The following SMCO4 variants were observed in gnomAD, a reference collection of about 807,000 sequenced individuals.
The protein encoded by SMCO4 is single-pass membrane protein with coiled-coil domains 4.
SMCO4 carries 4 observed loss-of-function variants against 3.6 expected under a neutral mutation model. The ratio of observed to expected loss-of-function variants is 1.11; its 90% CI spans 0.54 to 2.53. SMCO4 has a LOEUF of 2.53. Ranked by LOEUF, SMCO4 falls within the 30% of genes most tolerant of loss-of-function variation. The pLI is 0.02. For missense variants in SMCO4, 70 were observed against 80.8 expected, an observed-to-expected ratio of 0.87 and a Z score of 0.51; for synonymous variants, 36 against 35.3, an observed-to-expected ratio of 1.02 and a Z score of -0.07.
At chr11:93,553,922 T>G in the SMCO4 span, among the ~76,000 whole-genome samples, 2 of 152,198 alleles carry the variant, frequency 1.3e-5, no homozygotes, top group Non-Finnish European at 2.9e-5. Flanking sequence ...TTCAATAACC[T>G]GACATCTTGG....
chr11:93,479,723 A>C (rs1361529119), intron 2 of SMCO4, among the ~76,000 whole-genome samples: 2 of 152,164 alleles, frequency 1.3e-5, no homozygotes, highest in African/African-American at 4.8e-5. Context: ...TTCCTGCCCA[A>C]GCCAGGCCAG....
chr11:93,538,511 C>T (rs544517850), intron 1 of SMCO4, among the ~76,000 whole-genome samples: 10 of 152,164 alleles, frequency 6.6e-5, no homozygotes, highest in Non-Finnish European at 1.2e-4. Flanking sequence ...TCATTCTCTG[C>T]GATGCTCCTG....
intron 1 of SMCO4, among the ~76,000 whole-genome samples, chr11:93,515,726 T>C (rs1450626076): frequency 6.6e-6 from 1 of 152,190 alleles, no homozygotes; most frequent in Non-Finnish European, 1.5e-5. Context: ...CCCATTTCTC[T>C]GGCTCCACCA....
chr11:93,496,929 A>T (rs1260187062), intron 2 of SMCO4, among the ~76,000 whole-genome samples: 1 of 152,180 alleles, frequency 6.6e-6, no homozygotes, highest in Non-Finnish European at 1.5e-5. Flanking sequence ...TATGGGGAGT[A>T]ACCTGTTTGG....
At chr11:93,516,720 G>A (rs572905231) in intron 1 of SMCO4, among the ~76,000 whole-genome samples, 5 of 152,034 alleles carry the variant, frequency 3.3e-5, no homozygotes, top group Non-Finnish European at 7.4e-5. Context: ...AACCCAGGAG[G>A]TGAAGGTTGC....
chr11:93,526,942 T>G (rs75052428), intron 1 of SMCO4, among the ~76,000 whole-genome samples: 1 of 152,178 alleles, frequency 6.6e-6, no homozygotes, highest in Non-Finnish European at 1.5e-5. Flanking sequence ...CTCTAGGCCA[T>G]TGCCCTTTCC....
At chr11:93,487,027 T>C (rs561105153) in intron 2 of SMCO4, among the ~76,000 whole-genome samples, 9 of 152,318 alleles carry the variant, frequency 5.9e-5, no homozygotes, top group African/African-American at 1.9e-4. Flanking sequence ...TGTGTCATTA[T>C]TACAATATGA....
intron 1 of SMCO4, among the ~76,000 whole-genome samples, chr11:93,526,086 T>C (rs979590995): frequency 1.3e-5 from 2 of 152,172 alleles, no homozygotes; most frequent in African/African-American, 4.8e-5. Flanking sequence ...AACACTCATA[T>C]TGGTTTGAGT....
intron 2 of SMCO4, among the ~76,000 whole-genome samples, chr11:93,492,206 G>T (rs1948725386): frequency 6.6e-6 from 1 of 152,182 alleles, no homozygotes; most frequent in African/African-American, 2.4e-5. Context: ...CTGAGCACCA[G>T]TGTTGGCAAC....
At chr11:93,534,965 G>A (rs779080758) in intron 1 of SMCO4, among the ~76,000 whole-genome samples, 3 of 152,172 alleles carry the variant, frequency 2.0e-5, no homozygotes, top group Non-Finnish European at 2.9e-5. Context: ...ATAATCACAT[G>A]CAACTAGAAG....
chr11:93,534,375 T>TATATATATATAGAGAG (rs369643237), intron 1 of SMCO4, among the ~76,000 whole-genome samples: 1 of 142,130 alleles, frequency 7.0e-6, no homozygotes, highest in African/African-American at 2.6e-5. Flanking sequence ...TATATATATA[T>TATATATATATAGAGAG]AGAGAGAGAG....
chr11:93,510,603 CCA>C (rs1202379074), intron 1 of SMCO4, among the ~76,000 whole-genome samples: 1 of 152,116 alleles, frequency 6.6e-6, no homozygotes, highest in Non-Finnish European at 1.5e-5. Context: ...CTGCACCCCA[CCA>C]CAGTTTTATG....
chr11:93,543,654 C>T (rs1949292843), upstream of SMCO4: 1 of 152,338 alleles, frequency 6.6e-6, no homozygotes, highest in Non-Finnish European at 1.5e-5. Context: ...TTAAGTCACC[C>T]CCTTGTTGAT....
intron 1 of SMCO4, among the ~76,000 whole-genome samples, chr11:93,524,997 T>C (rs1052746077): frequency 6.6e-6 from 1 of 152,046 alleles, no homozygotes; most frequent in Non-Finnish European, 1.5e-5. Context: ...GCGGCCCACA[T>C]CCCCAACACC....
intron 2 of SMCO4, among the ~76,000 whole-genome samples, chr11:93,480,029 G>A (rs938314737): frequency 2.6e-5 from 4 of 152,184 alleles, no homozygotes; most frequent in African/African-American, 9.7e-5. Context: ...TGCCTAACAG[G>A]TGAAGTAGAA....
chr11:93,544,892 C>T (rs1448950475), upstream of SMCO4, among the ~76,000 whole-genome samples: 7 of 152,106 alleles, frequency 4.6e-5, no homozygotes, highest in Non-Finnish European at 1.5e-5. Context: ...GTTTATTTAG[C>T]ATGTATTTAA....
chr11:93,542,198 AACC>A (rs1385875121), intron 1 of SMCO4, among the ~76,000 whole-genome samples: 1 of 151,960 alleles, frequency 6.6e-6, no homozygotes, highest in Non-Finnish European at 1.5e-5. Flanking sequence ...GCACCTCCAG[AACC>A]ACTTGTTTCT....
chr11:93,481,565 C>T (rs1312651503), intron 2 of SMCO4: 79 of 971,304 alleles, frequency 8.1e-5, no homozygotes, highest in Non-Finnish European at 9.3e-5. Context: ...GTCAGACAGA[C>T]AGGCTTTATT....
chr11:93,487,939 G>A (rs2605603), intron 2 of SMCO4, among the ~76,000 whole-genome samples: 78,612 of 152,130 alleles, frequency 0.52, 21,011 homozygotes, highest in East Asian at 0.85. Flanking sequence ...CTGTATGTCA[G>A]GGGACAATGT....
Sources: gnomAD v4.1 joint callset for allele counts (sites outside exome capture counted in the v4.1 genomes callset) on GRCh38, gnomAD v4.1.1 for gene constraint, MANE v1.5 for transcripts, NCBI Gene and HGNC (gene_info 2026-07-23, HGNC 2026-07-21) for gene names.